The following IYD variants were observed in gnomAD, a reference collection of about 807,000 sequenced individuals.
The protein encoded by IYD is iodotyrosine deiodinase 1.
IYD carries 25 observed loss-of-function variants against 28.4 expected under a neutral mutation model. That is an observed-to-expected ratio of 0.88 (90% CI 0.64 to 1.23). The LOEUF (loss-of-function observed/expected upper bound fraction) is 1.23. Ranked by LOEUF, IYD falls within the 50% of genes most tolerant of loss-of-function variation. The probability of loss-of-function intolerance (pLI) is 0.00; values close to 1 mark genes in which losing one functional copy is unlikely to be tolerated. For synonymous variants in IYD, 140 were observed against 130.8 expected, an observed-to-expected ratio of 1.07 and a Z score of -0.48; for missense variants, 352 against 357.9, an observed-to-expected ratio of 0.98 and a Z score of 0.13.
chr6:150,373,228 G>A (rs563780609), intron 1 of IYD, among the ~76,000 whole-genome samples: 3 of 152,292 alleles, frequency 2.0e-5, no homozygotes, highest in African/African-American at 4.8e-5. Flanking sequence ...TAACATCTGA[G>A]AACAAAAATG....
intron 1 of IYD, among the ~76,000 whole-genome samples, chr6:150,386,354 G>C (rs960055933): frequency 6.6e-6 from 1 of 150,766 alleles, no homozygotes; most frequent in Non-Finnish European, 1.5e-5. Context: ...TTTTCTTTAA[G>C]GTATTTTGTT....
chr6:150,393,359 T>C (rs941177924), intron 3 of IYD, among the ~76,000 whole-genome samples: 1 of 152,192 alleles, frequency 6.6e-6, no homozygotes, highest in Admixed American at 6.5e-5. Flanking sequence ...ACTAAGCTGG[T>C]TGAAGTATGG....
intron 1 of IYD, among the ~76,000 whole-genome samples, chr6:150,383,768 A>G (rs1252628726): frequency 7.0e-6 from 1 of 143,034 alleles, no homozygotes; most frequent in Admixed American, 7.2e-5. Context: ...TTTGAGGCCC[A>G]TGCAACATAA....
At chr6:150,387,347 G>A (rs571402668) in intron 1 of IYD, among the ~76,000 whole-genome samples, 2 of 151,370 alleles carry the variant, frequency 1.3e-5, no homozygotes, top group African/African-American at 2.4e-5. Flanking sequence ...GATCCCTTGA[G>A]GCCAGGAGTT....
chr6:150,381,372 G>T (rs527842307), intron 1 of IYD, among the ~76,000 whole-genome samples: 1 of 152,102 alleles, frequency 6.6e-6, no homozygotes, highest in Non-Finnish European at 1.5e-5. Flanking sequence ...TCCTTTTTTA[G>T]AAGTTTTGTT....
At chr6:150,389,668 G>A in intron 2 of IYD, 125 bp downstream of exon 2, 1 of 890,732 alleles carries the variant, frequency 1.1e-6, no homozygotes, top group Non-Finnish European at 1.8e-6. Flanking sequence ...TATCTATAAA[G>A]TCTTACCCAA....
Position 150,399,250 on chromosome 6 carries a change from C to T in IYD, c.*1013C>T, listed in dbSNP as rs912592713. ...TTAAACATTCATAGCTTGAAATTGC[C>T]CATGGTGGGAGAGTTTACATCACAA... On this transcript the variant is annotated 3_prime_UTR_variant, in exon 5 of 5. Coordinates refer to ENST00000344419, the MANE Select transcript of IYD (RefSeq NM_203395.3). 5.3e-5 allele frequency: 8 copies of T among 152,138 alleles called. No individual in the cohort carries two copies. The highest frequency in any genetic ancestry group is 1.7e-4 in the African/African-American group (7 of 41,406). 9.4% of individuals were successfully genotyped at this position (152,138 alleles called of 1,614,324 possible).
rs1778424897 is a variant in IYD, at chr6:150,398,947, A to G, written c.*710A>G. 1 of 152,284 alleles carries G rather than the reference A, an allele frequency of 6.6e-6. No homozygotes were observed. Among genetic ancestry groups the G allele is most frequent in the Non-Finnish European group, 1.5e-5 (1 of 68,110 alleles). The allele number at this position is 152,284 out of a possible 1,614,324, so 9.4% of individuals were successfully genotyped here. A position where few individuals can be genotyped will look rare whatever the true frequency, so the allele number is the denominator to read the frequency against. ...CTACTCAGGAGGCTGAGGCAAGAGA[A>G]CTGCTTGAATCCGGGAGGTAGAGAT... On this transcript the variant is annotated 3_prime_UTR_variant, in exon 5 of 5. Transcript: ENST00000344419.
At chr6:150,369,779 A>C (rs983889688) in intron 1 of IYD, among the ~76,000 whole-genome samples, 1 of 152,184 alleles carries the variant, frequency 6.6e-6, no homozygotes, top group South Asian at 2.1e-4. Context: ...TTGACGGTGC[A>C]GTCAGGGAAA....
intron 1 of IYD, among the ~76,000 whole-genome samples, chr6:150,377,834 A>G (rs1448183022): frequency 1.3e-5 from 2 of 152,190 alleles, no homozygotes; most frequent in African/African-American, 4.8e-5. Context: ...ATTGGTGTTG[A>G]AAGTCTTTAT....
chr6:150,377,323 C>G (rs1272185048), intron 1 of IYD, among the ~76,000 whole-genome samples: 1 of 152,184 alleles, frequency 6.6e-6, no homozygotes, highest in Non-Finnish European at 1.5e-5. Flanking sequence ...GCTCTCTTGC[C>G]TCTGGCTGAG....
rs745605363 is a variant in IYD, at chr6:150,369,124, G to C, written c.93G>C (p.Lys31Asn). 3 of 1,613,958 alleles carry C rather than the reference G, an allele frequency of 1.9e-6. No homozygotes were observed. The highest frequency in any genetic ancestry group is 2.5e-6 in the Non-Finnish European group (3 of 1,179,992). ...KNADRSMEKK[K>N]GEPRTRAEAR... is the part of the protein sequence containing the mutation. ...CCGACAGAAGCATGGAGAAAAAGAA[G>C]GGGGAGCCTAGAACCAGGGCCGAAG... The change falls in exon 1 of 5, where the codon AAG becomes AAC. Residue 31 changes from lysine to asparagine, a missense_variant. Lys to Asn is a moderately conservative substitution (Grantham distance 94). Transcript: ENST00000344419.
At chr6:150,370,076 T>G (rs1777165321) in intron 1 of IYD, 1 of 701,648 alleles carries the variant, frequency 1.4e-6, no homozygotes, top group East Asian at 2.7e-5. Flanking sequence ...TTGTCTGGGA[T>G]GGGTTCGATT....
intron 2 of IYD, 74 bp downstream of exon 2, chr6:150,389,617 C>T: frequency 7.6e-7 from 1 of 1,323,920 alleles, no homozygotes; most frequent in Non-Finnish European, 1.1e-6. Flanking sequence ...GGAAAAATGT[C>T]AAAGTTTAAA....
intron 1 of IYD, among the ~76,000 whole-genome samples, chr6:150,374,759 T>G (rs1296496102): frequency 6.6e-6 from 1 of 152,176 alleles, no homozygotes; most frequent in African/African-American, 2.4e-5. Context: ...CTTTGCAATA[T>G]GTATTTGTTC....
At chr6:150,392,194 A>G (rs1437457862) in intron 2 of IYD, 151 bp from the exon 3 acceptor site, 38 of 1,106,568 alleles carry the variant, frequency 3.4e-5, no homozygotes, top group Non-Finnish European at 4.9e-5. Flanking sequence ...ACACCCTGCT[A>G]GTTAAAAAAA....
chr6:150,397,165 C>CAT (rs752647362), intron 4 of IYD, among the ~76,000 whole-genome samples: 2 of 151,950 alleles, frequency 1.3e-5, no homozygotes, highest in Admixed American at 6.6e-5. Flanking sequence ...TATATGGGTT[C>CAT]ATATATATAT....
At chr6:150,370,336 CG>C in intron 1 of IYD, 1 of 193,300 alleles carries the variant, frequency 5.2e-6, no homozygotes, top group East Asian at 1.9e-4. Context: ...GGTGAGTGTG[CG>C]TGTGAGTGTG....
intron 1 of IYD, among the ~76,000 whole-genome samples, chr6:150,382,737 G>A (rs924930794): frequency 1.6e-4 from 25 of 152,280 alleles, no homozygotes; most frequent in Non-Finnish European, 3.1e-4. Context: ...CTACACTGAT[G>A]TTAAACCTAT....
Sources: allele counts gnomAD v4.1 joint callset (sites outside exome capture counted in the v4.1 genomes callset), GRCh38; gene constraint gnomAD v4.1.1; transcripts MANE v1.5; gene names NCBI Gene and HGNC (gene_info 2026-07-23, HGNC 2026-07-21).